UVRAG: variants seen among roughly 807,000 people sequenced by gnomAD.
UVRAG encodes UV radiation resistance associated.
UVRAG carries 19 observed loss-of-function variants against 78.0 expected under a neutral mutation model. The observed-to-expected ratio is 0.24, with a 90% CI of 0.17 to 0.36. The LOEUF is 0.36. Ranked by LOEUF, UVRAG falls within the 10% of genes least tolerant of loss-of-function variation. The probability of loss-of-function intolerance (pLI) is 1.00; values close to 1 mark genes in which losing one functional copy is unlikely to be tolerated. For synonymous variants in UVRAG, 323 were observed against 324.6 expected (o/e 1.00, Z 0.05); for missense variants, 740 against 853.8 (o/e 0.87, Z 1.66).
At chr11:75,996,261 A>G (rs1265685861) in intron 8 of UVRAG, among the ~76,000 whole-genome samples, 1 of 151,690 alleles carries the variant, frequency 6.6e-6, no homozygotes, top group Non-Finnish European at 1.5e-5. Flanking sequence ...AAAAAAATAC[A>G]TTTACATTTA....
intron 1 of UVRAG, among the ~76,000 whole-genome samples, chr11:75,829,676 G>A (rs2135819030): frequency 6.6e-6 from 1 of 152,350 alleles, no homozygotes. Flanking sequence ...ACATGTTTCT[G>A]TCTCAGCGGG....
intron 1 of UVRAG, among the ~76,000 whole-genome samples, chr11:75,824,393 GT>G (rs11334251): frequency 0.15 from 21,478 of 144,370 alleles, 1,870 homozygotes; most frequent in African/African-American, 0.25. Context: ...GTGAAAATGA[GT>G]TTTTTTTTTT....
In UVRAG at chr11:76,012,087, G is replaced by A. The variant is rs114965761; in HGVS notation, c.1060+3220G>A. Among the ~76,000 whole-genome samples the A allele has an allele frequency of 9.9e-3, 1,504 of 152,252 alleles. 19 individuals are homozygous for A. The highest frequency in any genetic ancestry group is 0.035 in the African/African-American group (1,443 of 41,536). On this transcript the variant is annotated intron_variant, in intron 11 of 14. Transcript: ENST00000356136. ...TGTAATCCTAGCACTTTGGGGGACT[G>A]AGGTGGGAGGATTGCTTGTGACCAG...
At chr11:76,137,716 T>TAG in intron 14 of UVRAG, 2 of 316,758 alleles carry the variant, frequency 6.3e-6, no homozygotes, top group Non-Finnish European at 1.2e-5. Flanking sequence ...GTGTGCAAGA[T>TAG]GATGAGATCC....
At chr11:76,065,359 A>G (rs1367963260) in intron 12 of UVRAG, among the ~76,000 whole-genome samples, 1 of 152,236 alleles carries the variant, frequency 6.6e-6, no homozygotes, top group Non-Finnish European at 1.5e-5. Flanking sequence ...TGTCAGGTCC[A>G]AGATATTAGA....
intron 14 of UVRAG, among the ~76,000 whole-genome samples, chr11:76,129,535 A>C (rs1056401806): frequency 1.3e-5 from 2 of 152,186 alleles, no homozygotes; most frequent in Admixed American, 6.5e-5. Context: ...CTAAGTGCCC[A>C]TGCGTTTTTC....
chr11:76,139,799 A>C (rs940347141), intron 14 of UVRAG, among the ~76,000 whole-genome samples: 6 of 152,276 alleles, frequency 3.9e-5, no homozygotes, highest in Admixed American at 3.9e-4. Flanking sequence ...GACTAAGTGA[A>C]ATGATGTATA....
chr11:76,039,130 T>C (rs749003114), intron 12 of UVRAG, among the ~76,000 whole-genome samples: 14 of 152,146 alleles, frequency 9.2e-5, no homozygotes, highest in Non-Finnish European at 1.8e-4. Context: ...ACAAGTTACT[T>C]GATCACCCTA....
At chr11:76,020,649 CTTTTTTT>C (rs35112254) in intron 12 of UVRAG, among the ~76,000 whole-genome samples, 1 of 52,250 alleles carries the variant, frequency 1.9e-5, no homozygotes, top group African/African-American at 7.5e-5. Context: ...AAGAAGGAGT[CTTTTTTT>C]TTTTTTTTTT....
intron 12 of UVRAG, among the ~76,000 whole-genome samples, chr11:76,063,840 G>A (rs1367561024): frequency 6.6e-6 from 1 of 152,022 alleles, no homozygotes; most frequent in Admixed American, 6.6e-5. Context: ...ATGTTCTGAC[G>A]ATAATAGGTT....
At chr11:75,815,729 G>GA (rs1945249800) in intron 1 of UVRAG, among the ~76,000 whole-genome samples, 1 of 152,152 alleles carries the variant, frequency 6.6e-6, no homozygotes, top group Non-Finnish European at 1.5e-5. Context: ...AGTCCTAGGA[G>GA]AATCCCGTTA....
rs534994381 is a variant in UVRAG at position 75,819,641 on chromosome 11, C to T, written c.117+4117C>T. Among the ~76,000 whole-genome samples the T allele has an allele frequency of 3.5e-4, 53 of 152,108 alleles. No homozygotes were observed. The South Asian group carries it at 7.1e-3, about 20-fold the overall frequency. ...GACTACAGGTGTGAACCACCGTGCC[C>T]GGCCCAAAAACAAACTATTTTTTAG... is the stretch of plus-strand genomic sequence containing the variant. On this transcript the variant is annotated intron_variant, in intron 1 of 14. Coordinates refer to ENST00000356136, the MANE Select transcript of UVRAG (RefSeq NM_003369.4).
chr11:75,821,941 G>GTT lies in UVRAG; in HGVS notation c.117+6436_117+6437dup, dbSNP rs757078463. 1.3e-3 allele frequency among the ~76,000 whole-genome samples: 158 copies of GTT among 118,532 alleles called. 3 individuals carry two copies. The highest frequency in any genetic ancestry group is 2.2e-3 in the Admixed American group (25 of 11,184). The allele number at this position is 118,532 out of a possible 152,430, so 77.8% of individuals were successfully genotyped here. A position where few individuals can be genotyped will look rare whatever the true frequency, so the allele number is the denominator to read the frequency against. On this transcript the variant is annotated intron_variant, in intron 1 of 14. Transcript: ENST00000356136. Reference sequence around the variant, plus strand: ...CATATTATTAACATGATTTATCACTGTTTTTTTTTTTTTTTTTTTTGAGAC... The same window carrying GTT: ...CATATTATTAACATGATTTATCACTGTTTTTTTTTTTTTTTTTTTTTTGAGAC...
chr11:76,091,467 A>AT (rs559131479), intron 13 of UVRAG, among the ~76,000 whole-genome samples: 187 of 151,102 alleles, frequency 1.2e-3, no homozygotes, highest in Non-Finnish European at 2.0e-3. Context: ...ACTCCCTTTT[A>AT]TTTTTTTTTA....
At chr11:75,889,532 G>C (rs895461449) in intron 5 of UVRAG, among the ~76,000 whole-genome samples, 1 of 152,204 alleles carries the variant, frequency 6.6e-6, no homozygotes. Context: ...TGAAATTTCA[G>C]GTTGCCTGCC....
In UVRAG at chr11:75,969,934, T is replaced by TTATTTATCCTGG. The variant is rs893292900; in HGVS notation, c.699+8385_699+8386insTATTTATCCTGG. On this transcript the variant is annotated intron_variant, in intron 7 of 14. Coordinates refer to ENST00000356136, the MANE Select transcript of UVRAG (RefSeq NM_003369.4). ...TCTATCAGCTTATCCTGGATCCTGG[T>TTATTTATCCTGG]AACCTATTTATTTAATGGATGAGTT... Among the ~76,000 whole-genome samples the TTATTTATCCTGG allele has an allele frequency of 2.0e-5, 3 of 152,356 alleles. No homozygotes were observed. The East Asian group carries it at 5.8e-4, about 29-fold the overall frequency.
intron 3 of UVRAG, among the ~76,000 whole-genome samples, chr11:75,862,188 A>G (rs1946435409): frequency 6.6e-6 from 1 of 152,204 alleles, no homozygotes. Context: ...TCTCACTTCC[A>G]TTTCCTATAA....
Position 75,888,901 on chromosome 11 carries a change from A to C in UVRAG, c.505A>C (p.Lys169Gln). 1 of 1,612,368 alleles carries C rather than the reference A, an allele frequency of 6.2e-7. No individual in the cohort carries two copies. The highest frequency in any genetic ancestry group is 8.5e-7 in the Non-Finnish European group (1 of 1,179,176). ...DGYYGAPFEHKGYSNAQKTIL... is the reference protein window; with the variant it reads ...DGYYGAPFEHQGYSNAQKTIL... ...ATACTATGGTGCTCCATTTGAACAT[A>C]AGGTAAGAAGATCCTTCTAATGTTA... is the stretch of plus-strand genomic sequence containing the variant. Residue 169 changes from lysine to glutamine, a missense_variant and splice_region_variant, in exon 5 of 15, where the codon AAG becomes CAG. Transcript: ENST00000356136.
At chr11:75,824,784 C>T (rs1251983598) in intron 1 of UVRAG, among the ~76,000 whole-genome samples, 2 of 151,304 alleles carry the variant, frequency 1.3e-5, no homozygotes, top group Non-Finnish European at 2.9e-5. Context: ...CGCCATTCTC[C>T]TGCCTCAGCC....
Sources: allele counts gnomAD v4.1 joint callset (sites outside exome capture counted in the v4.1 genomes callset), GRCh38; gene constraint gnomAD v4.1.1; transcripts MANE v1.5; gene names NCBI Gene and HGNC (gene_info 2026-07-23, HGNC 2026-07-21).